The following LINGO2 variants were observed in gnomAD, a reference collection of about 807,000 sequenced individuals.
LINGO2 encodes the protein leucine rich repeat and Ig domain containing 2.
Under a neutral mutation model 30.6 loss-of-function variants are expected in LINGO2, and 14 were observed. That is an observed-to-expected ratio of 0.46 (90% confidence interval 0.30 to 0.72). The LOEUF (loss-of-function observed/expected upper bound fraction) is 0.72. Ranked by LOEUF, LINGO2 falls within the 30% of genes least tolerant of loss-of-function variation. The probability of loss-of-function intolerance (pLI) is 0.07; values close to 1 mark genes in which losing one functional copy is unlikely to be tolerated. For missense variants in LINGO2, 729 were observed against 751.7 expected, an observed-to-expected ratio of 0.97 and a Z score of 0.35; for synonymous variants, 317 against 288.5, an observed-to-expected ratio of 1.10 and a Z score of -1.00.
intron 3 of LINGO2, among the ~76,000 whole-genome samples, chr9:28,320,916 A>G (rs577739363): frequency 6.6e-6 from 1 of 152,310 alleles, no homozygotes; most frequent in Non-Finnish European, 1.5e-5. Context: ...GCAGATTCTT[A>G]TAGCACAGAA....
chr9:28,844,797 A>T, the LINGO2 span, among the ~76,000 whole-genome samples: 1 of 151,836 alleles, frequency 6.6e-6, no homozygotes, highest in Admixed American at 6.5e-5. Flanking sequence ...GTGAACCCCA[A>T]ATTCCAAGAT....
At chr9:28,561,499 C>T (rs938000604) in intron 1 of LINGO2, among the ~76,000 whole-genome samples, 3 of 149,350 alleles carry the variant, frequency 2.0e-5, no homozygotes, top group East Asian at 3.9e-4. Flanking sequence ...TTATAAAGAA[C>T]CTTATATTTA....
the LINGO2 span, among the ~76,000 whole-genome samples, chr9:28,834,808 T>C: frequency 6.6e-6 from 1 of 152,164 alleles, no homozygotes; most frequent in Non-Finnish European, 1.5e-5. Context: ...TTTTTGGTAA[T>C]TTGAAGAATT....
At chr9:27,947,524 T>C (rs967531136), downstream of LINGO2, among the ~76,000 whole-genome samples, 2 of 152,174 alleles carry the variant, frequency 1.3e-5, no homozygotes, top group African/African-American at 2.4e-5. Context: ...TTCCTCTTTA[T>C]TATACAAGAT....
rs1395549838 is a variant in LINGO2, at chr9:28,553,020, G to C, written c.-364-76995C>G. ...TCCGAGTTATTGTTTGTTTGTTTTA[G>C]TCTCTTTGGTATAACATGCTTTCTT... On this transcript the variant is annotated intron_variant, in intron 1 of 5. Coordinates refer to ENST00000379992, the Ensembl canonical transcript of LINGO2. 2.0e-5 allele frequency among the ~76,000 whole-genome samples: 3 copies of C among 151,782 alleles called. No homozygotes were observed. In the East Asian group the frequency reaches 5.8e-4, roughly 29 times the overall value.
chr9:28,728,656 C>T, the LINGO2 span, among the ~76,000 whole-genome samples: 8 of 151,816 alleles, frequency 5.3e-5, no homozygotes, highest in African/African-American at 1.9e-4. Flanking sequence ...CTCCCCTAAA[C>T]CCACCACCCA....
chr9:28,739,950 AT>A, the LINGO2 span, among the ~76,000 whole-genome samples: 6,130 of 125,700 alleles, frequency 0.049, 326 homozygotes, highest in African/African-American at 0.15. Flanking sequence ...ATATATATAT[AT>A]TTTTTTTTTC....
At chr9:28,688,229 C>A in the LINGO2 span, among the ~76,000 whole-genome samples, 5 of 152,140 alleles carry the variant, frequency 3.3e-5, no homozygotes, top group Admixed American at 3.3e-4. Flanking sequence ...TTTAAGGATT[C>A]TCTTTATGAT....
chr9:28,325,113 T>A (rs1214826921), intron 3 of LINGO2, among the ~76,000 whole-genome samples: 5 of 151,572 alleles, frequency 3.3e-5, no homozygotes, highest in African/African-American at 1.2e-4. Context: ...CCCATCTCTG[T>A]CACTGACTAA....
chr9:28,561,672 T>C (rs56138134), intron 1 of LINGO2, among the ~76,000 whole-genome samples: 4,487 of 130,528 alleles, frequency 0.034, 237 homozygotes, highest in African/African-American at 0.093. Flanking sequence ...ATATAAATTA[T>C]ATATAAATGT....
the LINGO2 span, among the ~76,000 whole-genome samples, chr9:28,764,854 A>G: frequency 2.0e-5 from 3 of 151,912 alleles, no homozygotes; most frequent in Non-Finnish European, 2.9e-5. Context: ...CTTTACATCA[A>G]TAATGACCTA....
At chr9:28,612,228 A>AT (rs993250090) in intron 1 of LINGO2, among the ~76,000 whole-genome samples, 4 of 151,920 alleles carry the variant, frequency 2.6e-5, no homozygotes, top group East Asian at 1.9e-4. Flanking sequence ...AGTCCAGCTA[A>AT]TTTTTTTGTT....
chr9:29,079,574 A>G, the LINGO2 span, among the ~76,000 whole-genome samples: 2 of 151,992 alleles, frequency 1.3e-5, no homozygotes, highest in African/African-American at 4.8e-5. Context: ...ATTCTGTTCT[A>G]AAGGTGAGAA....
chr9:28,502,325 C>T (rs1477579955), intron 1 of LINGO2, among the ~76,000 whole-genome samples: 1 of 151,928 alleles, frequency 6.6e-6, no homozygotes, highest in African/African-American at 2.4e-5. Flanking sequence ...TCAATATTTC[C>T]AGTATTTCAG....
At position 28,047,197 on chromosome 9, in the gene LINGO2, T is replaced by C. The variant is rs148949050; in HGVS notation, c.-86-34792A>G. Among the ~76,000 whole-genome samples the C allele has an allele frequency of 8.7e-4, 133 of 152,230 alleles. No homozygotes were observed. The East Asian group carries it at 0.018, about 20-fold the overall frequency. On this transcript the variant is annotated intron_variant, in intron 4 of 5. Transcript: ENST00000379992. The stretch of plus-strand genomic sequence containing the variant: ...AGATGTACTTCGTCTTTCGGCCACT[T>C]TGTATGTAAGTTTCCCCTACATAAC...
chr9:28,860,772 A>G, the LINGO2 span, among the ~76,000 whole-genome samples: 1 of 149,384 alleles, frequency 6.7e-6, no homozygotes, highest in African/African-American at 2.4e-5. Flanking sequence ...ATAGTCAATG[A>G]TGATGCAAAA....
intron 3 of LINGO2, among the ~76,000 whole-genome samples, chr9:28,350,071 C>T (rs1587514860): frequency 6.6e-6 from 1 of 151,648 alleles, no homozygotes; most frequent in East Asian, 1.9e-4. Context: ...ACCATTGAGA[C>T]TAGGAAGAAA....
At chr9:28,736,530 C>T in the LINGO2 span, among the ~76,000 whole-genome samples, 2 of 152,138 alleles carry the variant, frequency 1.3e-5, no homozygotes, top group African/African-American at 4.8e-5. Context: ...GTGGGTCACG[C>T]CTATAATCCC....
chr9:28,862,570 T>C, the LINGO2 span, among the ~76,000 whole-genome samples: 1 of 152,076 alleles, frequency 6.6e-6, no homozygotes, highest in South Asian at 2.1e-4. Context: ...AATCCACTTC[T>C]AAGGAATGAA....
Sources: allele counts gnomAD v4.1 joint callset (sites outside exome capture counted in the v4.1 genomes callset), GRCh38; gene constraint gnomAD v4.1.1; transcripts MANE v1.5; gene names NCBI Gene and HGNC (gene_info 2026-07-23, HGNC 2026-07-21).